Variants in PDE10A observed in about 807,000 individuals in gnomAD.
PDE10A encodes the protein phosphodiesterase 10A, also known as cAMP and cAMP-inhibited cGMP 3',5'-cyclic phosphodiesterase 10A.
In PDE10A, 39 loss-of-function variants were observed where a neutral mutation model predicts 97.7. The observed-to-expected ratio is 0.40, with a 90% confidence interval of 0.31 to 0.52. The LOEUF is 0.52. Among genes scored for constraint, PDE10A ranks in the 20% least tolerant of loss-of-function variants. The probability of loss-of-function intolerance (pLI) is 0.56; values close to 1 mark genes in which losing one functional copy is unlikely to be tolerated. For missense variants in PDE10A, 731 were observed against 1,047.8 expected (o/e 0.70, Z 4.17); for synonymous variants, 371 against 376.8 (o/e 0.98, Z 0.18).
intron 2 of PDE10A, among the ~76,000 whole-genome samples, chr6:165,505,113 A>T (rs1781116097): frequency 6.6e-6 from 1 of 152,194 alleles, no homozygotes; most frequent in African/African-American, 2.4e-5. Flanking sequence ...TGATCCCTCG[A>T]GTCCTTCTAA....
chr6:165,439,392 C>G (rs1017582866), intron 5 of PDE10A, among the ~76,000 whole-genome samples: 9 of 152,112 alleles, frequency 5.9e-5, no homozygotes, highest in African/African-American at 2.2e-4. Flanking sequence ...CAAGGAAAAA[C>G]TTTAAAGTTT....
At chr6:165,416,816 G>A (rs557957211) in intron 11 of PDE10A, among the ~76,000 whole-genome samples, 1 of 152,218 alleles carries the variant, frequency 6.6e-6, no homozygotes, top group East Asian at 1.9e-4. Flanking sequence ...TGCAATTCAA[G>A]CACTATACAG....
At position 165,769,370 on chromosome 6, in the gene PDE10A, C is replaced by A. The variant is rs560592706; in HGVS notation, c.-615+218159G>T. ...GCCAGTAATTTGCTTAAAACAATGA[C>A]AATAACAACAGGAACTATAGAGTAG... On this transcript the variant is annotated intron_variant, in intron 1 of 19. Transcript: ENST00000366882. Among the ~76,000 whole-genome samples, 10 of 152,270 alleles carry A rather than the reference C, an allele frequency of 6.6e-5. No individual in the cohort carries two copies. In the East Asian group the frequency reaches 1.9e-3, roughly 29 times the overall value.
chr6:165,762,831 C>A (rs1394632367), intron 1 of PDE10A, among the ~76,000 whole-genome samples: 12 of 152,094 alleles, frequency 7.9e-5, no homozygotes, highest in Admixed American at 7.2e-4. Flanking sequence ...ACCCAAACAC[C>A]AGGTGCCTGT....
At chr6:165,420,953 T>C (rs548527264) in intron 10 of PDE10A, among the ~76,000 whole-genome samples, 1 of 152,326 alleles carries the variant, frequency 6.6e-6, no homozygotes, top group South Asian at 2.1e-4. Flanking sequence ...ATCACAGATT[T>C]ACTTTTGAAA....
chr6:165,645,606 C>T (rs971583205), intron 1 of PDE10A, among the ~76,000 whole-genome samples: 16 of 152,102 alleles, frequency 1.1e-4, no homozygotes, highest in Admixed American at 9.8e-4. Flanking sequence ...GTAATCCCAG[C>T]ACTTTGGGAG....
At chr6:165,358,343 G>GTT (rs971969650) in intron 18 of PDE10A, among the ~76,000 whole-genome samples, 1 of 151,790 alleles carries the variant, frequency 6.6e-6, no homozygotes, top group African/African-American at 2.4e-5. Flanking sequence ...TTAGTTCTGT[G>GTT]TTTTTTTGTT....
rs192576842 is a variant in PDE10A at position 165,743,021 on chromosome 6, G to T, written c.-614-199453C>A. Among the ~76,000 whole-genome samples the T allele has an allele frequency of 3.9e-5, 6 of 152,274 alleles. No homozygotes were observed. In the East Asian group the frequency reaches 1.2e-3, roughly 29 times the overall value. On this transcript the variant is annotated intron_variant, in intron 1 of 19. Coordinates refer to the PDE10A transcript ENST00000366882. ...CTGCAGATTGTCTCAGAGCCTGGTG[G>T]CTGGCTCTTCCCAGGCAAGAGTGGC...
At chr6:165,919,031 G>A (rs570691960) in intron 1 of PDE10A, among the ~76,000 whole-genome samples, 11 of 152,258 alleles carry the variant, frequency 7.2e-5, no homozygotes, top group South Asian at 6.2e-4. Context: ...CATAGAAGCT[G>A]ATTCTATTCT....
intron 1 of PDE10A, among the ~76,000 whole-genome samples, chr6:165,575,860 T>G (rs890855295): frequency 2.6e-5 from 4 of 152,184 alleles, no homozygotes; most frequent in Non-Finnish European, 5.9e-5. Flanking sequence ...TTGGTCTCAG[T>G]AGTATCAGAT....
intron 1 of PDE10A, among the ~76,000 whole-genome samples, chr6:165,677,742 G>A (rs942537909): frequency 6.6e-6 from 1 of 152,124 alleles, no homozygotes; most frequent in Non-Finnish European, 1.5e-5. Context: ...GTATATATGT[G>A]CATTTGTGTT....
At chr6:165,677,362 G>C (rs958842366) in intron 1 of PDE10A, among the ~76,000 whole-genome samples, 3 of 152,176 alleles carry the variant, frequency 2.0e-5, no homozygotes, top group African/African-American at 7.2e-5. Flanking sequence ...CAGCACAGTT[G>C]TGTGAGCCGG....
intron 18 of PDE10A, among the ~76,000 whole-genome samples, chr6:165,365,207 T>C (rs1362981395): frequency 6.6e-6 from 1 of 152,154 alleles, no homozygotes; most frequent in Non-Finnish European, 1.5e-5. Context: ...TAGATATAAA[T>C]ACAAATTTAG....
At chr6:165,898,312 C>G (rs1034424572) in intron 1 of PDE10A, among the ~76,000 whole-genome samples, 1 of 152,136 alleles carries the variant, frequency 6.6e-6, no homozygotes, top group Non-Finnish European at 1.5e-5. Flanking sequence ...TCCTGACTGC[C>G]TGGAAATGAA....
rs529826946 is a variant in PDE10A, at chr6:165,983,274, A to G, written c.-615+4255T>C. ...ACCCATTTACTATCCTACGTTCATC[A>G]GCATAAGGAATCTTCTAATGAGAAT... On this transcript the variant is annotated intron_variant, in intron 1 of 19. Coordinates refer to the PDE10A transcript ENST00000366882. Among the ~76,000 whole-genome samples, 290 of 152,354 alleles carry G rather than the reference A, an allele frequency of 1.9e-3. 1 individual carries two copies. The highest frequency in any genetic ancestry group is 6.6e-3 in the African/African-American group (275 of 41,576).
At chr6:165,845,357 G>A (rs1780385484) in intron 1 of PDE10A, among the ~76,000 whole-genome samples, 1 of 152,194 alleles carries the variant, frequency 6.6e-6, no homozygotes, top group African/African-American at 2.4e-5. Context: ...GAAAAAAATA[G>A]CATCCTTACA....
chr6:165,377,076 C>G (rs73243933), intron 18 of PDE10A, among the ~76,000 whole-genome samples: 3,133 of 152,174 alleles, frequency 0.021, 107 homozygotes, highest in African/African-American at 0.072. Context: ...CATTTTTAAG[C>G]AACAAAGCAT....
chr6:165,620,213 T>C (rs1402170268), intron 1 of PDE10A, among the ~76,000 whole-genome samples: 1 of 152,194 alleles, frequency 6.6e-6, no homozygotes, highest in East Asian at 1.9e-4. Flanking sequence ...AGAACCAGTC[T>C]ATATGCTCAC....
intron 1 of PDE10A, among the ~76,000 whole-genome samples, chr6:165,640,990 A>C (rs576110229): frequency 6.6e-6 from 1 of 152,336 alleles, no homozygotes; most frequent in East Asian, 1.9e-4. Context: ...GGTGTCTTAA[A>C]TCGGTGACCT....
Sources: allele counts gnomAD v4.1 joint callset (sites outside exome capture counted in the v4.1 genomes callset), GRCh38; gene constraint gnomAD v4.1.1; transcripts MANE v1.5; gene names NCBI Gene and HGNC (gene_info 2026-07-23, HGNC 2026-07-21).